Variants in KAZN observed in about 807,000 individuals in gnomAD.
KAZN encodes kazrin.
KAZN carries 40 observed loss-of-function variants against 87.4 expected under a neutral mutation model. The ratio of observed to expected loss-of-function variants is 0.46; its 90% confidence interval spans 0.36 to 0.60. The LOEUF (loss-of-function observed/expected upper bound fraction) is 0.60. Among genes scored for constraint, KAZN ranks in the 20% least tolerant of loss-of-function variants. The pLI, the probability that KAZN is intolerant of heterozygous loss-of-function variation, is 0.00. For synonymous variants in KAZN, 466 were observed against 458.3 expected (o/e 1.02, Z -0.22); for missense variants, 898 against 1,073.9 (o/e 0.84, Z 2.29).
At chr1:13,995,235 A>AAAAAAAAAAAAAAC (rs1639457601) in intron 1 of KAZN, among the ~76,000 whole-genome samples, 1 of 151,132 alleles carries the variant, frequency 6.6e-6, no homozygotes, top group African/African-American at 2.4e-5. Context: ...AAAAAAAAAA[A>AAAAAAAAAAAAAAC]TCCTAATGAT....
chr1:13,927,106 G>A (rs1046232053), intron 1 of KAZN, among the ~76,000 whole-genome samples: 2 of 152,184 alleles, frequency 1.3e-5, no homozygotes, highest in Non-Finnish European at 2.9e-5. Context: ...CAGGATTCTT[G>A]TTTTTGTGTG....
At chr1:14,963,860 T>C (rs144167409) in intron 2 of KAZN, among the ~76,000 whole-genome samples, 2,830 of 152,256 alleles carry the variant, frequency 0.019, 38 homozygotes, top group Non-Finnish European at 0.029. Context: ...TGACTCCCAC[T>C]TATGAGTGAG....
At chr1:14,125,861 G>A (rs192852756) in intron 1 of KAZN, among the ~76,000 whole-genome samples, 7 of 151,032 alleles carry the variant, frequency 4.6e-5, no homozygotes, top group South Asian at 2.1e-4. Context: ...TTGCAGAACC[G>A]TTAGATTCAG....
chr1:14,158,610 G>C (rs1197668964), intron 1 of KAZN, among the ~76,000 whole-genome samples: 2 of 152,124 alleles, frequency 1.3e-5, no homozygotes, highest in African/African-American at 4.8e-5. Context: ...ATTGGTTTCT[G>C]ATGGTTCATT....
intron 2 of KAZN, among the ~76,000 whole-genome samples, chr1:14,356,776 T>C (rs530021400): frequency 6.6e-6 from 1 of 152,298 alleles, no homozygotes; most frequent in African/African-American, 2.4e-5. Context: ...TTCTGTTCCA[T>C]TGGTCTATAT....
chr1:14,673,663 CAG>C (rs1023344261), intron 1 of KAZN, among the ~76,000 whole-genome samples: 1 of 152,200 alleles, frequency 6.6e-6, no homozygotes, highest in African/African-American at 2.4e-5. Flanking sequence ...GCTGTGGAAA[CAG>C]GGAGCTGCAG....
chr1:14,681,537 G>T (rs1056237039), intron 1 of KAZN, among the ~76,000 whole-genome samples: 1 of 136,766 alleles, frequency 7.3e-6, no homozygotes. Flanking sequence ...ATTTGCAGTT[G>T]CTACATTTTT....
chr1:14,131,009 C>T (rs1435099395), intron 1 of KAZN, among the ~76,000 whole-genome samples: 3 of 152,180 alleles, frequency 2.0e-5, no homozygotes, highest in East Asian at 3.8e-4. Flanking sequence ...CCTGGTTTTG[C>T]AGGCTGTACA....
In KAZN at chr1:14,610,649, GC is replaced by G. The variant is rs569273513; in HGVS notation, c.226+11428del. Among the ~76,000 whole-genome samples, 591 of 151,988 alleles carry G rather than the reference GC, an allele frequency of 3.9e-3. 3 individuals are homozygous for G. Among genetic ancestry groups the G allele is most frequent in the African/African-American group, 0.013 (553 of 41,462 alleles). On this transcript the variant is annotated intron_variant, in intron 1 of 14. Coordinates refer to ENST00000376030, the MANE Select transcript of KAZN (RefSeq NM_201628.3). ...GGAGAATGTCCTGTTTATTTCAGTGGCCTAGATCTGACAATGGCTCCCCTGT... is the reference window on the plus strand; with the variant it reads ...GGAGAATGTCCTGTTTATTTCAGTGGCTAGATCTGACAATGGCTCCCCTGT...
At chr1:14,711,161 C>G (rs1642465965) in intron 1 of KAZN, among the ~76,000 whole-genome samples, 1 of 152,164 alleles carries the variant, frequency 6.6e-6, no homozygotes, top group Admixed American at 6.5e-5. Flanking sequence ...CCACTGCCCT[C>G]CAGCCTGGGG....
chr1:13,932,300 G>A (rs1640550750), intron 1 of KAZN, among the ~76,000 whole-genome samples: 1 of 130,638 alleles, frequency 7.7e-6, no homozygotes, highest in South Asian at 2.3e-4. Context: ...TCGCTCTGTC[G>A]CCCAGGCTGG....
intron 1 of KAZN, among the ~76,000 whole-genome samples, chr1:14,956,328 G>A (rs936326267): frequency 3.5e-5 from 5 of 143,812 alleles, no homozygotes; most frequent in South Asian, 2.1e-4. Flanking sequence ...GACCCAGCAC[G>A]GTGGCTCCCA....
intron 2 of KAZN, among the ~76,000 whole-genome samples, chr1:14,321,731 G>C (rs1464130116): frequency 4.6e-5 from 7 of 152,106 alleles, no homozygotes; most frequent in African/African-American, 1.7e-4. Context: ...AGGTGGTGGG[G>C]CAATATTTTT....
intron 2 of KAZN, among the ~76,000 whole-genome samples, chr1:14,281,142 T>C (rs898394207): frequency 1.3e-5 from 2 of 152,180 alleles, no homozygotes; most frequent in African/African-American, 4.8e-5. Flanking sequence ...TCAAGAGGCC[T>C]CCCGTCTTGC....
chr1:14,552,126 C>T (rs1271039780), intron 2 of KAZN, among the ~76,000 whole-genome samples: 1 of 152,130 alleles, frequency 6.6e-6, no homozygotes, highest in Admixed American at 6.5e-5. Flanking sequence ...ACCCCTTTAG[C>T]CTAGAAATAG....
At chr1:14,958,634 T>C (rs1400204375) in intron 1 of KAZN, among the ~76,000 whole-genome samples, 1 of 152,136 alleles carries the variant, frequency 6.6e-6, no homozygotes, top group Non-Finnish European at 1.5e-5. Context: ...ACCTGGTGAC[T>C]CCAAAGCTGT....
At chr1:14,052,368 A>G (rs1642374975) in intron 1 of KAZN, among the ~76,000 whole-genome samples, 1 of 152,268 alleles carries the variant, frequency 6.6e-6, no homozygotes, top group South Asian at 2.1e-4. Flanking sequence ...GATATTGGGC[A>G]CTATGATAAT....
intron 1 of KAZN, among the ~76,000 whole-genome samples, chr1:14,069,368 T>C (rs1342216948): frequency 2.0e-5 from 3 of 152,202 alleles, no homozygotes; most frequent in Admixed American, 2.0e-4. Flanking sequence ...ACCGCGATTA[T>C]CAAGTCGGGG....
intron 1 of KAZN, among the ~76,000 whole-genome samples, chr1:14,940,531 G>T (rs77053413): frequency 0.093 from 14,163 of 152,230 alleles, 828 homozygotes; most frequent in South Asian, 0.25. Flanking sequence ...GAGTAGAATG[G>T]GTTGGGTGGT....
Sources: gnomAD v4.1 joint callset for allele counts (sites outside exome capture counted in the v4.1 genomes callset) on GRCh38, gnomAD v4.1.1 for gene constraint, MANE v1.5 for transcripts, NCBI Gene and HGNC (gene_info 2026-07-23, HGNC 2026-07-21) for gene names.